Variants in PCDHGA11 observed in about 807,000 individuals in gnomAD.
PCDHGA11 encodes the protein protocadherin gamma-A11.
In PCDHGA11, 39 loss-of-function variants were observed where a neutral mutation model predicts 60.4. The observed-to-expected ratio is 0.65, with a 90% confidence interval of 0.50 to 0.84. The LOEUF is 0.84. PCDHGA11 is among the 40% of genes least tolerant of loss of function. The probability of loss-of-function intolerance (pLI) is 0.00; values close to 1 mark genes in which losing one functional copy is unlikely to be tolerated. For synonymous variants in PCDHGA11, 533 were observed against 510.3 expected (o/e 1.04, Z -0.60); for missense variants, 1,165 against 1,197.7 (o/e 0.97, Z 0.40).
Position 141,431,248 on chromosome 5 carries a change from G to A in PCDHGA11, c.2433+7588G>A. ...CCCACGCCTGGGATCCGGATATCGGGAAGAACTCTCTGCAGAGCTACGAGC... is the reference window on the plus strand; with the variant it reads ...CCCACGCCTGGGATCCGGATATCGGAAAGAACTCTCTGCAGAGCTACGAGC... On this transcript the variant is annotated intron_variant, in intron 1 of 3. Transcript: ENST00000398587. This position sits in a 1 kb window ranked among gnomAD's most constrained non-coding sequence, Gnocchi z 4.8. 2 of 1,614,140 alleles carry A rather than the reference G, an allele frequency of 1.2e-6. No homozygotes were observed. Among genetic ancestry groups the A allele is most frequent in the Non-Finnish European group, 1.7e-6 (2 of 1,180,048 alleles).
rs1243232069 is a variant in PCDHGA11 at position 141,490,842 on chromosome 5, G to A, written c.2434-3965G>A. Reference sequence around the variant, plus strand: ...TGCTGCAGATGCTGCAGATTGTGGTGGGGGTTCGAGACTCCGGCTCTCCCC... The same window carrying A: ...TGCTGCAGATGCTGCAGATTGTGGTAGGGGTTCGAGACTCCGGCTCTCCCC... On this transcript the variant is annotated intron_variant, in intron 1 of 3. Transcript: ENST00000398587. The surrounding 1 kb of genome is among the most constrained non-coding windows in gnomAD (Gnocchi z 5.4). 4.3e-6 allele frequency: 7 copies of A among 1,613,844 alleles called. No homozygotes were observed. In the South Asian group the frequency reaches 6.6e-5, roughly 15 times the overall value.
chr5:141,448,818 G>A (rs2098609016), intron 1 of PCDHGA11, among the ~76,000 whole-genome samples: 1 of 151,984 alleles, frequency 6.6e-6, no homozygotes, highest in Admixed American at 6.6e-5. Context: ...GATGGCGGGC[G>A]CCTGTAGTCC....
chr5:141,509,155 C>G (rs981661695), intron 3 of PCDHGA11, among the ~76,000 whole-genome samples: 3 of 152,202 alleles, frequency 2.0e-5, no homozygotes, highest in Non-Finnish European at 4.4e-5. Flanking sequence ...GCTCTCCCCT[C>G]CCGTGTGCCC....
At chr5:141,454,047 T>C (rs896373946) in intron 1 of PCDHGA11, among the ~76,000 whole-genome samples, 6 of 152,122 alleles carry the variant, frequency 3.9e-5, no homozygotes, top group African/African-American at 7.2e-5. Flanking sequence ...AAGATAAAAG[T>C]GCAGCAAAGA....
At chr5:141,435,346 G>A (rs2097758346) in intron 1 of PCDHGA11, among the ~76,000 whole-genome samples, 1 of 152,012 alleles carries the variant, frequency 6.6e-6, no homozygotes, top group South Asian at 2.1e-4. Flanking sequence ...TATTTCTTCT[G>A]CATTTAAAAT....
chr5:141,481,619 A>T (rs1303171847), intron 1 of PCDHGA11, among the ~76,000 whole-genome samples: 1 of 152,128 alleles, frequency 6.6e-6, no homozygotes, highest in Non-Finnish European at 1.5e-5. Flanking sequence ...GGAGTTCAAG[A>T]CCGGCCTGGC....
In PCDHGA11 at chr5:141,489,189, C is replaced by A; in HGVS notation, c.2434-5618C>A. 1 of 1,341,534 alleles carries A rather than the reference C, an allele frequency of 7.5e-7. No homozygotes were observed. The highest frequency in any genetic ancestry group is 1.0e-6 in the Non-Finnish European group (1 of 975,280). 83.1% of individuals were successfully genotyped at this position (1,341,534 alleles called of 1,614,324 possible). A position where few individuals can be genotyped will look rare whatever the true frequency, so the allele number is the denominator to read the frequency against. On this transcript the variant is annotated intron_variant, in intron 1 of 3. Transcript: ENST00000398587. This position sits in a 1 kb window ranked among gnomAD's most constrained non-coding sequence, Gnocchi z 4.5. ...TGCTGCATTCCAAGCCCTGGGTCTA[C>A]CTTGGAGACAGGACAGCACAGACTT...
chr5:141,502,866 CTT>C (rs549047197), intron 2 of PCDHGA11, among the ~76,000 whole-genome samples: 3 of 127,996 alleles, frequency 2.3e-5, no homozygotes, highest in Admixed American at 8.6e-5. Flanking sequence ...GACTCTCTGT[CTT>C]TTTTTTTTTT....
At position 141,422,122 on chromosome 5, in the gene PCDHGA11, A is replaced by C; in HGVS notation, c.895A>C (p.Thr299Pro). The C allele has an allele frequency of 6.2e-7, 1 of 1,601,714 alleles. No individual in the cohort carries two copies. Among genetic ancestry groups the C allele is most frequent in the Non-Finnish European group, 8.5e-7 (1 of 1,176,150 alleles). The part of the protein sequence containing the change: ...ASEIFQLDSQ[T>P]GEVQVRGSLD... ...TGAAATATTCCAATTGGATTCACAAACTGGAGAAGTTCAAGTACGGGGGTC... is the reference window on the plus strand; with the variant it reads ...TGAAATATTCCAATTGGATTCACAACCTGGAGAAGTTCAAGTACGGGGGTC... Residue 299 changes from threonine to proline, a missense_variant, in exon 1 of 4, where the codon ACT becomes CCT. Coordinates refer to ENST00000398587, the MANE Select transcript of PCDHGA11 (RefSeq NM_018914.3).
chr5:141,431,968 T>G lies in PCDHGA11; in HGVS notation c.2433+8308T>G, dbSNP rs571981127. 6.2e-7 allele frequency: 1 copy of G among 1,614,190 alleles called. No individual in the cohort carries two copies. Among genetic ancestry groups the G allele is most frequent in the Admixed American group, 1.7e-5 (1 of 60,024 alleles). On this transcript the variant is annotated intron_variant, in intron 1 of 3. Coordinates refer to ENST00000398587, the MANE Select transcript of PCDHGA11 (RefSeq NM_018914.3). The surrounding 1 kb of genome is among the most constrained non-coding windows in gnomAD (Gnocchi z 4.8). ...AAAAATCTTACGGAAATTACTATAGTTTAGTCACAGACATAGTCTTGGATA... is the reference window on the plus strand; with the variant it reads ...AAAAATCTTACGGAAATTACTATAGGTTAGTCACAGACATAGTCTTGGATA...
intron 1 of PCDHGA11, among the ~76,000 whole-genome samples, chr5:141,438,614 A>G (rs1208036297): frequency 5.8e-5 from 2 of 34,396 alleles, no homozygotes. Context: ...ATATATATAT[A>G]TATATATATA....
At chr5:141,441,852 G>A in intron 1 of PCDHGA11, 1 of 352,826 alleles carries the variant, frequency 2.8e-6, no homozygotes, top group South Asian at 2.4e-5. Flanking sequence ...TGGATATGGT[G>A]CTGCACGCCG....
chr5:141,478,671 A>G (rs996413401), intron 1 of PCDHGA11: 19 of 1,551,538 alleles, frequency 1.2e-5, no homozygotes, highest in Non-Finnish European at 1.7e-5. Context: ...TCACACTTTC[A>G]ACTGGCCCTT....
chr5:141,441,737 C>T lies in PCDHGA11; in HGVS notation c.2433+18077C>T, dbSNP rs2098268916. 5 of 365,122 alleles carry T rather than the reference C, an allele frequency of 1.4e-5. 1 individual carries two copies. The highest frequency in any genetic ancestry group is 1.1e-4 in the South Asian group (5 of 46,286). 22.6% of individuals were successfully genotyped at this position (365,122 alleles called of 1,614,324 possible). ...TGCAGGCCCGCGACCAGGACTAGCT[C>T]GCGCTCGGCGTCAACGTGAGCCTGC... On this transcript the variant is annotated intron_variant, in intron 1 of 3. Transcript: ENST00000398587.
At chr5:141,481,618 G>C (rs1339565594) in intron 1 of PCDHGA11, among the ~76,000 whole-genome samples, 1 of 152,142 alleles carries the variant, frequency 6.6e-6, no homozygotes, top group African/African-American at 2.4e-5. Context: ...AGGAGTTCAA[G>C]ACCGGCCTGG....
chr5:141,487,533 T>C lies in PCDHGA11; in HGVS notation c.2434-7274T>C. On this transcript the variant is annotated intron_variant, in intron 1 of 3. Coordinates refer to ENST00000398587, the MANE Select transcript of PCDHGA11 (RefSeq NM_018914.3). This position sits in a 1 kb window ranked among gnomAD's most constrained non-coding sequence, Gnocchi z 5.0. The stretch of plus-strand genomic sequence containing the variant: ...CCCACTCGGAGTGATAGCTTCATGA[T>C]GGTGAAGTCACCCAGTGCACCTATG... 6.2e-7 allele frequency: 1 copy of C among 1,614,186 alleles called. No individual in the cohort carries two copies. Among genetic ancestry groups the C allele is most frequent in the South Asian group, 1.1e-5 (1 of 91,080 alleles).
At chr5:141,458,803 G>A (rs2098953701) in intron 1 of PCDHGA11, among the ~76,000 whole-genome samples, 2 of 152,130 alleles carry the variant, frequency 1.3e-5, no homozygotes, top group African/African-American at 4.8e-5. Flanking sequence ...TGTGATCTCA[G>A]CTCACTGCAA....
intron 1 of PCDHGA11, chr5:141,430,885 C>T (rs771554381): frequency 5.6e-6 from 9 of 1,605,218 alleles, no homozygotes; most frequent in South Asian, 1.1e-5. Flanking sequence ...TGGAGAAAGG[C>T]TCTAGGGTGG....
In PCDHGA11 at chr5:141,476,948, G is replaced by T; in HGVS notation, c.2434-17859G>T. 6.2e-7 allele frequency: 1 copy of T among 1,614,180 alleles called. No individual in the cohort carries two copies. On this transcript the variant is annotated intron_variant, in intron 1 of 3. Transcript: ENST00000398587. The surrounding 1 kb of genome is among the most constrained non-coding windows in gnomAD (Gnocchi z 7.6). ...GGATCTGGATGAAGGCCCCAACGGTGAAATTATTTACTCCTTCGGCAGCCA... is the reference window on the plus strand; with the variant it reads ...GGATCTGGATGAAGGCCCCAACGGTTAAATTATTTACTCCTTCGGCAGCCA...
Sources: allele counts gnomAD v4.1 joint callset (sites outside exome capture counted in the v4.1 genomes callset), GRCh38; gene constraint gnomAD v4.1.1; non-coding constraint Gnocchi (gnomAD v3.1); transcripts MANE v1.5; gene names NCBI Gene and HGNC (gene_info 2026-07-23, HGNC 2026-07-21).